P3H4: variants seen among roughly 807,000 people sequenced by gnomAD.
P3H4 encodes prolyl 3-hydroxylase family member 4 (inactive).
Under a neutral mutation model 52.9 loss-of-function variants are expected in P3H4, and 47 were observed. That is an observed-to-expected ratio of 0.89 (90% CI 0.70 to 1.13). The LOEUF is 1.13. Among genes scored for constraint, P3H4 ranks in the 50% most tolerant of loss-of-function variants. The pLI is 0.00. For missense variants in P3H4, 585 were observed against 611.0 expected, an observed-to-expected ratio of 0.96 and a Z score of 0.45; for synonymous variants, 256 against 267.9, an observed-to-expected ratio of 0.96 and a Z score of 0.44.
In P3H4 at chr17:41,811,505, A is replaced by C. The variant is rs1448751844; in HGVS notation, c.411T>G (p.Arg137=). 4 of 1,611,656 alleles carry C rather than the reference A, an allele frequency of 2.5e-6. No individual in the cohort carries two copies. The highest frequency in any genetic ancestry group is 2.5e-6 in the Non-Finnish European group (3 of 1,179,636). ...GGTAGGGCAGGCGGCTCTGGAAGTCACGCAGCAGCTGCCGCGGCGGGTAGG... is the reference window on the plus strand; with the variant it reads ...GGTAGGGCAGGCGGCTCTGGAAGTCCCGCAGCAGCTGCCGCGGCGGGTAGG... ...QVPYPPRQLL[R]DFQSRLPYQY... is the part of the protein sequence containing the mutation. The change falls in exon 1 of 8, where the codon CGT becomes CGG. Residue 137 remains arginine, a synonymous_variant. Coordinates refer to ENST00000393928, the MANE Select transcript of P3H4 (RefSeq NM_006455.3). This position sits in a 1 kb window ranked among gnomAD's most constrained non-coding sequence, Gnocchi z 4.8.
chr17:41,810,832 G>A, intron 3 of P3H4, 31 bp downstream of exon 3: 1 of 1,593,004 alleles, frequency 6.3e-7, no homozygotes. Context: ...TGGGTGAGAG[G>A]ACCGCCCACC....
chr17:41,811,426 A>G lies in P3H4; in HGVS notation c.462+28T>C. 6.2e-7 allele frequency: 1 copy of G among 1,609,686 alleles called. No individual in the cohort carries two copies. Among genetic ancestry groups the G allele is most frequent in the Non-Finnish European group, 8.5e-7 (1 of 1,177,766 alleles). On this transcript the variant is annotated intron_variant, in intron 1 of 7. Transcript: ENST00000393928. The surrounding 1 kb of genome is among the most constrained non-coding windows in gnomAD (Gnocchi z 4.8). Reference sequence around the variant, plus strand: ...GGAGCCACGACGCCCAGCCCGAGACAGGTCCCCGGGTGGGGGCGGGCTCCC... The same window carrying G: ...GGAGCCACGACGCCCAGCCCGAGACGGGTCCCCGGGTGGGGGCGGGCTCCC...
rs782623458 is a variant in P3H4, at chr17:41,810,978, C to T, written c.672G>A (p.Thr224=). Residue 224 remains threonine, a synonymous_variant, in exon 3 of 8, where the codon ACG becomes ACA. Transcript: ENST00000393928. Reference sequence around the variant, plus strand: ...CTGACAAGGCCCGCTCCATGTCCTCCGTGCTGCTGCGGAAATCCCCGCTGT... The same window carrying T: ...CTGACAAGGCCCGCTCCATGTCCTCTGTGCTGCTGCGGAAATCCCCGCTGT... ...LYNSGDFRSS[T]EDMERALSEY... 5 of 1,614,196 alleles carry T rather than the reference C, an allele frequency of 3.1e-6. No individual in the cohort carries two copies. The highest frequency in any genetic ancestry group is 4.2e-6 in the Non-Finnish European group (5 of 1,180,022).
Position 41,811,070 on chromosome 17 carries a change from C to G in P3H4, c.616-36G>C, listed in dbSNP as rs782641847. 6.2e-7 allele frequency: 1 copy of G among 1,608,048 alleles called. No individual in the cohort carries two copies. The highest frequency in any genetic ancestry group is 1.7e-5 in the Admixed American group (1 of 59,868). ...CGTGGCAGGGGGAGTCAGGGCGCCC[C>G]CAACATCTCCCCTCCTCTACTAGCC... On this transcript the variant is annotated intron_variant, in intron 2 of 7. Transcript: ENST00000393928. This position sits in a 1 kb window ranked among gnomAD's most constrained non-coding sequence, Gnocchi z 4.8.
At chr17:41,805,306 A>AAACAAACAAAC (rs1555614054) in intron 6 of P3H4, among the ~76,000 whole-genome samples, 15,279 of 124,148 alleles carry the variant, frequency 0.12, 963 homozygotes, top group African/African-American at 0.21. Flanking sequence ...AACAAACAAA[A>AAACAAACAAAC]AAACATACTT....
rs1438343160 is a variant in P3H4 at position 41,807,199 on chromosome 17, G to A, written c.1063-320C>T. 1.5e-5 allele frequency: 6 copies of A among 387,438 alleles called. No homozygotes were observed. The East Asian group carries it at 3.2e-4, about 21-fold the overall frequency. The allele number at this position is 387,438 out of a possible 1,614,324, so 24.0% of individuals were successfully genotyped here. ...AGATTTCCTCCATTGGTTACCTAGG[G>A]TGTTCCTGGGAAAGAGGGACAAAGG... On this transcript the variant is annotated intron_variant, in intron 5 of 7. Transcript: ENST00000393928.
rs547178915 is a variant in P3H4, at chr17:41,810,843, G to A, written c.787+20C>T. ...CCTGTGGGTGAGAGGACCGCCCACC[G>A]TGGTCTGGGTGGCAGATACCTGCTA... On this transcript the variant is annotated intron_variant, in intron 3 of 7. Coordinates refer to ENST00000393928, the MANE Select transcript of P3H4 (RefSeq NM_006455.3). The A allele has an allele frequency of 1.1e-5, 17 of 1,602,172 alleles. No homozygotes were observed. The highest frequency in any genetic ancestry group is 1.7e-4 in the Middle Eastern group (1 of 6,000).
At chr17:41,804,950 G>A (rs1005677985) in intron 6 of P3H4, among the ~76,000 whole-genome samples, 8 of 151,542 alleles carry the variant, frequency 5.3e-5, no homozygotes, top group Non-Finnish European at 1.2e-4. Flanking sequence ...TCCAGCCTGG[G>A]TGACAGAGTG....
intron 5 of P3H4, 199 bp from the exon 6 acceptor site, chr17:41,807,078 G>T: frequency 1.7e-6 from 1 of 577,584 alleles, no homozygotes. Context: ...TGGTGACAAA[G>T]AGTCCCTCAA....
chr17:41,802,708 C>T lies in P3H4; in HGVS notation c.*249G>A, dbSNP rs1443087055. ...CTGGGATTTCAGGCGCCTGCCACCA[C>T]ACCCGGCTAATTTATGTATTTTAGT... On this transcript the variant is annotated 3_prime_UTR_variant, in exon 8 of 8. Transcript: ENST00000393928. 8 of 422,128 alleles carry T rather than the reference C, an allele frequency of 1.9e-5. No homozygotes were observed. Among genetic ancestry groups the T allele is most frequent in the South Asian group, 8.8e-5 (3 of 34,064 alleles). 26.1% of individuals were successfully genotyped at this position (422,128 alleles called of 1,614,324 possible).
intron 6 of P3H4, among the ~76,000 whole-genome samples, chr17:41,805,614 C>T (rs2047665939): frequency 6.6e-6 from 1 of 152,092 alleles, no homozygotes; most frequent in Admixed American, 6.6e-5. Flanking sequence ...CATGAGCTAC[C>T]ATACCCGGCC....
chr17:41,807,091 G>A (rs1555614294), intron 5 of P3H4: 11 of 564,618 alleles, frequency 1.9e-5, no homozygotes, highest in East Asian at 1.2e-4. Context: ...TCCCTCAATC[G>A]ATTAGCAATG....
rs782679259 is a variant in P3H4, at chr17:41,811,811, C to A, written c.105G>T (p.Pro35=). 2.6e-5 allele frequency: 40 copies of A among 1,536,070 alleles called. No individual in the cohort carries two copies. The highest frequency in any genetic ancestry group is 3.4e-5 in the Non-Finnish European group (39 of 1,152,878). Reference sequence around the variant, plus strand: ...GAGCGTGCCCGTACGCCGCGGCCAGCGGCATCAGGTCCTCGGGCGGGAAGC... The same window carrying A: ...GAGCGTGCCCGTACGCCGCGGCCAGAGGCATCAGGTCCTCGGGCGGGAAGC... The part of the protein sequence containing the change: ...FRGFPPEDLM[P]LAAAYGHALE... Residue 35 remains proline, a synonymous_variant, in exon 1 of 8, where the codon CCG becomes CCT. Transcript: ENST00000393928. The surrounding 1 kb of genome is among the most constrained non-coding windows in gnomAD (Gnocchi z 4.8).
At chr17:41,809,082 G>T (rs2047702197) in intron 4 of P3H4, among the ~76,000 whole-genome samples, 1 of 152,174 alleles carries the variant, frequency 6.6e-6, no homozygotes. Flanking sequence ...AATGCCAGCT[G>T]CATGGTGTTG....
At position 41,809,273 on chromosome 17, in the gene P3H4, T is replaced by G. The variant is rs543137742; in HGVS notation, c.916+433A>C. On this transcript the variant is annotated intron_variant, in intron 4 of 7. Transcript: ENST00000393928. ...CCGTCTCTACTAAAAATACAAAAACTAGCTGGGTGTGGTGGCAGGCACCTA... is the reference window on the plus strand; with the variant it reads ...CCGTCTCTACTAAAAATACAAAAACGAGCTGGGTGTGGTGGCAGGCACCTA... Among the ~76,000 whole-genome samples the G allele has an allele frequency of 2.0e-5, 3 of 152,122 alleles. No individual in the cohort carries two copies. The East Asian group carries it at 5.8e-4, about 29-fold the overall frequency.
Position 41,811,388 on chromosome 17 carries a change from G to C in P3H4, c.462+66C>G. 1.9e-6 allele frequency: 3 copies of C among 1,606,278 alleles called. No homozygotes were observed. The highest frequency in any genetic ancestry group is 2.6e-6 in the Non-Finnish European group (3 of 1,175,196). ...CCTTGGGTGAAGATAACGCTCCTTC[G>C]ACCGATCTGTGGGGAGCCACGACGC... On this transcript the variant is annotated intron_variant, in intron 1 of 7. Coordinates refer to ENST00000393928, the MANE Select transcript of P3H4 (RefSeq NM_006455.3). The surrounding 1 kb of genome is among the most constrained non-coding windows in gnomAD (Gnocchi z 4.8).
In P3H4 at chr17:41,803,462, C is replaced by T. The variant is rs199650058; in HGVS notation, c.1147-31G>A. 26 of 1,609,394 alleles carry T rather than the reference C, an allele frequency of 1.6e-5. No homozygotes were observed. In the East Asian group the frequency reaches 4.3e-4, roughly 26 times the overall value. Reference sequence around the variant, plus strand: ...GTAGCGCCACGGTTGTGGGAGAAACCGGGTCACAGTACGCCCAAACCCATA... The same window carrying T: ...GTAGCGCCACGGTTGTGGGAGAAACTGGGTCACAGTACGCCCAAACCCATA... On this transcript the variant is annotated intron_variant, in intron 6 of 7. Coordinates refer to ENST00000393928, the MANE Select transcript of P3H4 (RefSeq NM_006455.3).
rs781886937 is a variant in P3H4, at chr17:41,803,441, C to T, written c.1147-10G>A. ...TCTCCTCCAGCTCCATCTAGAGTAG[C>T]GCCACGGTTGTGGGAGAAACCGGGT... On this transcript the variant is annotated splice_polypyrimidine_tract_variant and intron_variant, in intron 6 of 7. Transcript: ENST00000393928. The T allele has an allele frequency of 4.0e-5, 65 of 1,612,526 alleles. No homozygotes were observed. In the Admixed American group the frequency reaches 4.3e-4, roughly 11 times the overall value.
chr17:41,808,920 A>C (rs2047701379), intron 4 of P3H4, among the ~76,000 whole-genome samples: 1 of 152,086 alleles, frequency 6.6e-6, no homozygotes, highest in South Asian at 2.1e-4. Flanking sequence ...AGCTGCAGGA[A>C]CACTGGAGGC....
Sources: gnomAD v4.1 joint callset for allele counts (sites outside exome capture counted in the v4.1 genomes callset) on GRCh38, gnomAD v4.1.1 for gene constraint, Gnocchi (gnomAD v3.1) non-coding constraint, MANE v1.5 for transcripts, NCBI Gene and HGNC (gene_info 2026-07-23, HGNC 2026-07-21) for gene names.